The following GNAQ variants were observed in gnomAD, a reference collection of about 807,000 sequenced individuals.
The protein encoded by GNAQ is guanine nucleotide-binding protein G(q) subunit alpha.
A neutral mutation model predicts 43.9 loss-of-function variants in GNAQ; 8 were observed. The ratio of observed to expected loss-of-function variants is 0.18; its 90% CI spans 0.11 to 0.33. GNAQ has a LOEUF of 0.33. Ranked by LOEUF, GNAQ falls within the 10% of genes least tolerant of loss-of-function variation. GNAQ has a pLI of 1.00. For missense variants in GNAQ, 158 were observed against 450.8 expected (o/e 0.35, Z 5.88); for synonymous variants, 155 against 170.7 (o/e 0.91, Z 0.71).
chr9:77,734,903 G>T (rs1223929546), intron 5 of GNAQ, among the ~76,000 whole-genome samples: 2 of 152,168 alleles, frequency 1.3e-5, no homozygotes, highest in South Asian at 2.1e-4. Context: ...AGTTTATGTT[G>T]CTTTATGATA....
intron 1 of GNAQ, among the ~76,000 whole-genome samples, chr9:77,984,209 A>C (rs1456621546): frequency 1.4e-5 from 2 of 148,084 alleles, no homozygotes; most frequent in Non-Finnish European, 3.0e-5. Flanking sequence ...CCTCACTGTC[A>C]CCCAGGCTGG....
chr9:77,972,878 G>C (rs1426526284), intron 1 of GNAQ, among the ~76,000 whole-genome samples: 1 of 151,466 alleles, frequency 6.6e-6, no homozygotes, highest in Non-Finnish European at 1.5e-5. Context: ...GCTGGAACCC[G>C]GGTGGTGGAG....
chr9:77,961,195 A>G (rs982500724), intron 1 of GNAQ, among the ~76,000 whole-genome samples: 2 of 152,188 alleles, frequency 1.3e-5, no homozygotes, highest in Non-Finnish European at 2.9e-5. Context: ...GTCAAATAAA[A>G]TATACAATTG....
At chr9:77,792,816 A>G (rs1192763248) in intron 5 of GNAQ, among the ~76,000 whole-genome samples, 1 of 152,136 alleles carries the variant, frequency 6.6e-6, no homozygotes, top group African/African-American at 2.4e-5. Flanking sequence ...GATAAATGCA[A>G]ATTTTATTTT....
intron 1 of GNAQ, among the ~76,000 whole-genome samples, chr9:78,010,947 T>C (rs139814915): frequency 5.3e-4 from 81 of 152,230 alleles, no homozygotes; most frequent in Non-Finnish European, 9.3e-4. Context: ...AGGAACAACA[T>C]AGCCAACAGA....
chr9:78,030,661 G>A, intron 1 of GNAQ: 2 of 422,160 alleles, frequency 4.7e-6, no homozygotes, highest in Admixed American at 2.6e-5. Flanking sequence ...GCCACCCGCT[G>A]GGCCACACAC....
intron 2 of GNAQ, among the ~76,000 whole-genome samples, chr9:77,816,041 A>G (rs1304535469): frequency 6.6e-6 from 1 of 152,184 alleles, no homozygotes; most frequent in African/African-American, 2.4e-5. Context: ...CATCAAAACA[A>G]TAAGAATGTT....
chr9:77,967,332 T>C (rs1419566956), intron 1 of GNAQ, among the ~76,000 whole-genome samples: 1 of 152,124 alleles, frequency 6.6e-6, no homozygotes, highest in East Asian at 1.9e-4. Context: ...TGCACAACTA[T>C]TAGGCTTCCA....
chr9:77,894,344 A>C, intron 2 of GNAQ, among the ~76,000 whole-genome samples: 1 of 140,638 alleles, frequency 7.1e-6, no homozygotes, highest in Non-Finnish European at 1.5e-5. Flanking sequence ...TATATTATAT[A>C]TATTTAATAG....
chr9:77,988,271 T>G (rs1823467279), intron 1 of GNAQ, among the ~76,000 whole-genome samples: 1 of 152,202 alleles, frequency 6.6e-6, no homozygotes, highest in Non-Finnish European at 1.5e-5. Context: ...AATAACACAG[T>G]TGCTTTATGC....
At chr9:77,803,043 A>G (rs577701772) in intron 3 of GNAQ, among the ~76,000 whole-genome samples, 254 of 152,262 alleles carry the variant, frequency 1.7e-3, no homozygotes, top group Middle Eastern at 3.4e-3. Context: ...GGCTATATCA[A>G]CAACACTTAG....
At chr9:77,812,466 T>C (rs1826943671) in intron 3 of GNAQ, among the ~76,000 whole-genome samples, 1 of 152,184 alleles carries the variant, frequency 6.6e-6, no homozygotes, top group Non-Finnish European at 1.5e-5. Context: ...AGTAAATCAA[T>C]GAGATCCAGG....
intron 2 of GNAQ, among the ~76,000 whole-genome samples, chr9:77,898,193 C>T (rs989743366): frequency 3.3e-5 from 5 of 152,170 alleles, no homozygotes; most frequent in African/African-American, 9.7e-5. Context: ...ATCCCACATG[C>T]TGTGCATTAC....
intron 5 of GNAQ, among the ~76,000 whole-genome samples, chr9:77,742,751 T>C (rs1825673760): frequency 6.6e-6 from 1 of 152,190 alleles, no homozygotes; most frequent in Non-Finnish European, 1.5e-5. Context: ...AATCAGCTCC[T>C]TCTATAGTGA....
chr9:77,910,103 T>G (rs1482005887), intron 2 of GNAQ, among the ~76,000 whole-genome samples: 1 of 152,196 alleles, frequency 6.6e-6, no homozygotes, highest in African/African-American at 2.4e-5. Context: ...GCAACAAGTT[T>G]TTAGGTTTTG....
intron 1 of GNAQ, among the ~76,000 whole-genome samples, chr9:78,029,731 G>T (rs1179171726): frequency 2.0e-5 from 3 of 152,164 alleles, no homozygotes; most frequent in Non-Finnish European, 4.4e-5. Context: ...AAGGCAATTG[G>T]TTCCTTGAGC....
intron 5 of GNAQ, among the ~76,000 whole-genome samples, chr9:77,753,079 T>C (rs1281834135): frequency 1.7e-5 from 2 of 119,256 alleles, no homozygotes; most frequent in African/African-American, 3.6e-5. Flanking sequence ...AGAGCAAGAC[T>C]CTGTCTCAAA....
At position 78,030,731 on chromosome 9, in the gene GNAQ, C is replaced by T. The variant is rs116423497; in HGVS notation, c.136+369G>A. The T allele has an allele frequency of 5.6e-3, 2,082 of 368,552 alleles. 30 individuals carry two copies. The highest frequency in any genetic ancestry group is 0.039 in the African/African-American group (1,847 of 47,324). 22.8% of individuals were successfully genotyped at this position (368,552 alleles called of 1,614,324 possible). ...CGGCCACGACACTGGAAGTTCAACC[C>T]CTCTGCCCACCTTTCCACCCCCGCG... On this transcript the variant is annotated intron_variant, in intron 1 of 6. Coordinates refer to ENST00000286548, the MANE Select transcript of GNAQ (RefSeq NM_002072.5).
chr9:77,967,835 C>T (rs1823187892), intron 1 of GNAQ, among the ~76,000 whole-genome samples: 1 of 152,004 alleles, frequency 6.6e-6, no homozygotes, highest in East Asian at 1.9e-4. Flanking sequence ...CAAAATGAGC[C>T]GGGCATGGTG....
Sources: gnomAD v4.1 joint callset for allele counts (sites outside exome capture counted in the v4.1 genomes callset) on GRCh38, gnomAD v4.1.1 for gene constraint, MANE v1.5 for transcripts, NCBI Gene and HGNC (gene_info 2026-07-23, HGNC 2026-07-21) for gene names.